SLC35F1: variants seen among roughly 807,000 people sequenced by gnomAD.
The protein encoded by SLC35F1 is chromosome 6 open reading frame 169.
SLC35F1 carries 14 observed loss-of-function variants against 48.7 expected under a neutral mutation model. The ratio of observed to expected loss-of-function variants is 0.29; its 90% CI spans 0.19 to 0.45. The LOEUF (loss-of-function observed/expected upper bound fraction) is 0.45, where lower values mean the gene tolerates loss of function less well. SLC35F1 is among the 20% of genes least tolerant of loss of function. The pLI is 1.00. For synonymous variants in SLC35F1, 190 were observed against 202.2 expected, an observed-to-expected ratio of 0.94 and a Z score of 0.51; for missense variants, 404 against 500.0, an observed-to-expected ratio of 0.81 and a Z score of 1.83.
At chr6:118,034,129 A>T (rs1772093735) in intron 1 of SLC35F1, among the ~76,000 whole-genome samples, 6 of 152,162 alleles carry the variant, frequency 3.9e-5, no homozygotes, top group Admixed American at 3.9e-4. Context: ...CAAGGATAGC[A>T]ATTTTTTTTG....
In SLC35F1 at chr6:117,983,895, A is replaced by G. The variant is rs141098482; in HGVS notation, c.173+75996A>G. Among the ~76,000 whole-genome samples the G allele has an allele frequency of 1.2e-3, 181 of 152,262 alleles. 2 individuals carry two copies. The highest frequency in any genetic ancestry group is 4.1e-3 in the African/African-American group (171 of 41,560). On this transcript the variant is annotated intron_variant, in intron 1 of 7. Coordinates refer to ENST00000360388, the MANE Select transcript of SLC35F1 (RefSeq NM_001029858.4). Reference sequence around the variant, plus strand: ...TAAACTCGTGTGTCTAGGCCACTGTATAAAATTAGACTAGCTAAAGATGGA... The same window carrying G: ...TAAACTCGTGTGTCTAGGCCACTGTGTAAAATTAGACTAGCTAAAGATGGA...
chr6:118,185,527 C>A (rs977049362), intron 2 of SLC35F1, among the ~76,000 whole-genome samples: 2 of 152,180 alleles, frequency 1.3e-5, no homozygotes, highest in Non-Finnish European at 2.9e-5. Context: ...TGTTAAGTTG[C>A]TCTCTCCTTA....
At chr6:118,019,834 T>A (rs1312478928) in intron 1 of SLC35F1, among the ~76,000 whole-genome samples, 2 of 152,196 alleles carry the variant, frequency 1.3e-5, no homozygotes, top group Admixed American at 1.3e-4. Context: ...TAAATAACCC[T>A]TATATATACC....
chr6:118,306,611 G>A (rs572441990), intron 7 of SLC35F1, among the ~76,000 whole-genome samples: 2 of 152,300 alleles, frequency 1.3e-5, no homozygotes, highest in South Asian at 2.1e-4. Context: ...TAATAAGAAC[G>A]ATGCATGGGA....
intron 1 of SLC35F1, among the ~76,000 whole-genome samples, chr6:117,912,630 C>G (rs1453954703): frequency 6.6e-6 from 1 of 150,424 alleles, no homozygotes; most frequent in Non-Finnish European, 1.5e-5. Context: ...ATAAAATATT[C>G]CAAGTGGAAC....
intron 1 of SLC35F1, among the ~76,000 whole-genome samples, chr6:117,922,796 G>A (rs1775916326): frequency 6.6e-6 from 1 of 152,174 alleles, no homozygotes; most frequent in South Asian, 2.1e-4. Context: ...AGGTTTAGTT[G>A]GGATTTGTTT....
intron 5 of SLC35F1, among the ~76,000 whole-genome samples, chr6:118,276,846 C>T (rs2114632065): frequency 6.6e-6 from 1 of 152,230 alleles, no homozygotes; most frequent in East Asian, 1.9e-4. Flanking sequence ...GTGTCCTTGG[C>T]AAGTGGGATA....
chr6:118,063,483 C>G (rs1202180420), intron 1 of SLC35F1, among the ~76,000 whole-genome samples: 1 of 151,914 alleles, frequency 6.6e-6, no homozygotes, highest in East Asian at 1.9e-4. Flanking sequence ...GCATTTTTTT[C>G]TCTATTTTTA....
intron 1 of SLC35F1, among the ~76,000 whole-genome samples, chr6:117,931,334 A>G (rs1399415407): frequency 6.6e-6 from 1 of 152,228 alleles, no homozygotes; most frequent in African/African-American, 2.4e-5. Context: ...GATACAAACA[A>G]TACTAGTATA....
At chr6:118,095,363 G>A (rs538715317) in intron 1 of SLC35F1, among the ~76,000 whole-genome samples, 1 of 152,242 alleles carries the variant, frequency 6.6e-6, no homozygotes, top group Admixed American at 6.5e-5. Context: ...GTAACCTCAG[G>A]CACATCATTC....
chr6:118,281,175 A>ACTCT (rs745677823), intron 6 of SLC35F1, among the ~76,000 whole-genome samples: 10,192 of 137,394 alleles, frequency 0.074, 494 homozygotes, highest in Non-Finnish European at 0.1. Context: ...ATATATAGTA[A>ACTCT]CTCTCTCTCT....
chr6:117,908,174 T>C (rs560627229), intron 1 of SLC35F1, among the ~76,000 whole-genome samples: 1 of 152,078 alleles, frequency 6.6e-6, no homozygotes, highest in Non-Finnish European at 1.5e-5. Flanking sequence ...ACCCTGTATG[T>C]GTGTCCGCAC....
chr6:118,195,218 T>C (rs981551510), intron 2 of SLC35F1, among the ~76,000 whole-genome samples: 3 of 152,190 alleles, frequency 2.0e-5, no homozygotes, highest in African/African-American at 4.8e-5. Flanking sequence ...AGTCAGCCAA[T>C]TGGTGCTGCC....
intron 3 of SLC35F1, among the ~76,000 whole-genome samples, chr6:118,240,355 G>T (rs977018283): frequency 4.6e-5 from 7 of 152,186 alleles, no homozygotes; most frequent in African/African-American, 1.4e-4. Context: ...TAAAATGTGG[G>T]TATAACTTTG....
intron 1 of SLC35F1, among the ~76,000 whole-genome samples, chr6:117,938,173 A>G (rs1776183770): frequency 6.6e-6 from 1 of 152,138 alleles, no homozygotes; most frequent in Non-Finnish European, 1.5e-5. Context: ...AATATAGAGG[A>G]GATGATTTGT....
At chr6:117,947,804 T>C (rs1385581018) in intron 1 of SLC35F1, among the ~76,000 whole-genome samples, 1 of 152,032 alleles carries the variant, frequency 6.6e-6, no homozygotes, top group Non-Finnish European at 1.5e-5. Context: ...GGCAATTGAG[T>C]ATAGGAGTCT....
chr6:118,118,948 T>G lies in SLC35F1; in HGVS notation c.174-35497T>G, dbSNP rs1282031048. Among the ~76,000 whole-genome samples, 4 of 151,852 alleles carry G rather than the reference T, an allele frequency of 2.6e-5. No homozygotes were observed. The East Asian group carries it at 7.7e-4, about 29-fold the overall frequency. On this transcript the variant is annotated intron_variant, in intron 1 of 7. Transcript: ENST00000360388. ...TTTTTGTTTGCTTGTTTGCTTTTTT[T>G]TTTTTTTTGCTACAGAGTTCAGACA...
chr6:118,225,747 G>A (rs370168061), intron 2 of SLC35F1, among the ~76,000 whole-genome samples: 103 of 151,980 alleles, frequency 6.8e-4, no homozygotes, highest in Middle Eastern at 3.4e-3. Context: ...GTAGTGGCAG[G>A]CGCCTGTAGT....
rs1470115117 is a variant in SLC35F1 at position 118,277,655 on chromosome 6, G to A, written c.847+109G>A. On this transcript the variant is annotated intron_variant, in intron 6 of 7. Transcript: ENST00000360388. ...ACAAGGAGGGGATTTAGAGTGGTAG[G>A]GGACAAGGGAAAATGAAATCCCTTT... The A allele has an allele frequency of 4.4e-6, 4 of 903,632 alleles. No homozygotes were observed. The African/African-American group carries it at 6.6e-5, about 15-fold the overall frequency. 56.0% of individuals were successfully genotyped at this position (903,632 alleles called of 1,614,324 possible). A position where few individuals can be genotyped will look rare whatever the true frequency, so the allele number is the denominator to read the frequency against.
Sources: gnomAD v4.1 joint callset for allele counts (sites outside exome capture counted in the v4.1 genomes callset) on GRCh38, gnomAD v4.1.1 for gene constraint, MANE v1.5 for transcripts, NCBI Gene and HGNC (gene_info 2026-07-23, HGNC 2026-07-21) for gene names.